The following CCDC97 variants were observed in gnomAD, a reference collection of about 807,000 sequenced individuals.
CCDC97 encodes coiled-coil domain containing 97, also known as coiled-coil domain-containing protein 97.
Under a neutral mutation model 33.9 loss-of-function variants are expected in CCDC97, and 27 were observed. That is an observed-to-expected ratio of 0.80 (90% CI 0.59 to 1.10). CCDC97 has a LOEUF of 1.10. CCDC97 is among the 50% of genes least tolerant of loss of function. The pLI, the probability that CCDC97 is intolerant of heterozygous loss-of-function variation, is 0.00. For synonymous variants in CCDC97, 217 were observed against 194.0 expected (o/e 1.12, Z -0.99); for missense variants, 422 against 476.6 (o/e 0.89, Z 1.07).
At chr19:41,318,452 C>T (rs1251567960) in intron 2 of CCDC97, among the ~76,000 whole-genome samples, 1 of 152,122 alleles carries the variant, frequency 6.6e-6, no homozygotes, top group African/African-American at 2.4e-5. Flanking sequence ...AGCGAGACTC[C>T]ATCTCAAAAA....
rs142783394 is a variant in CCDC97 at position 41,316,671 on chromosome 19, C to T, written c.334C>T (p.Arg112Cys). The T allele has an allele frequency of 2.8e-5, 45 of 1,614,126 alleles. No individual in the cohort carries two copies. Among genetic ancestry groups the T allele is most frequent in the Non-Finnish European group, 3.1e-5 (37 of 1,180,018 alleles). Reference sequence around the variant, plus strand: ...GCCACTGGTGTTCCTGGAGCGCTTCCGCACAGGCCTCCGTGAGGAGCATCT... The same window carrying T: ...GCCACTGGTGTTCCTGGAGCGCTTCTGCACAGGCCTCCGTGAGGAGCATCT... ...EKPLVFLERF[R>C]TGLREEHLAC... is the part of the protein sequence containing the mutation. Residue 112 changes from arginine (R) to cysteine (C), a missense_variant, in exon 2 of 5, where the codon CGC becomes TGC. Physicochemically the swap from Arg to Cys is radical, Grantham distance 180. Coordinates refer to ENST00000269967, the MANE Select transcript of CCDC97 (RefSeq NM_052848.3).
Position 41,322,645 on chromosome 19 carries a change from ATGAGGAGGAGAGGTACTT to A in CCDC97, c.966_983del (p.Glu322_Phe327del), listed in dbSNP as rs1232610417. 1.2e-6 allele frequency: 2 copies of A among 1,613,252 alleles called. No individual in the cohort carries two copies. Among genetic ancestry groups the A allele is most frequent in the African/African-American group, 2.7e-5 (2 of 74,708 alleles). On this transcript the variant is annotated inframe_deletion, in exon 5 of 5. Transcript: ENST00000269967. ...GACAACCTCGACATCGTGGCACGGG[ATGAGGAGGAGAGGTACTT>A]TGATGAGGAAGAACCTGAGGATGCG...
intron 2 of CCDC97, among the ~76,000 whole-genome samples, chr19:41,318,293 A>T (rs947239373): frequency 1.3e-5 from 2 of 152,116 alleles, no homozygotes. Flanking sequence ...TACTAAAAAT[A>T]CAAAAAAAAT....
At chr19:41,319,505 C>T (rs1215453189) in intron 2 of CCDC97, 69 bp from the exon 3 acceptor site, 2 of 1,124,040 alleles carry the variant, frequency 1.8e-6, no homozygotes, top group African/African-American at 3.1e-5. Context: ...CATGATCACA[C>T]ACATACCCAC....
Position 41,316,777 on chromosome 19 carries a change from C to T in CCDC97, c.440C>T (p.Pro147Leu). The T allele has an allele frequency of 1.2e-6, 2 of 1,609,294 alleles. No homozygotes were observed. The highest frequency in any genetic ancestry group is 1.7e-4 in the Middle Eastern group (1 of 6,054). The change falls in exon 2 of 5, where the codon CCC becomes CTC. Residue 147 changes from proline to leucine, a missense_variant. Transcript: ENST00000269967. ...GTGGCCCGGCAGGGCACTGCCCGGCCCCGCACCCTGCGTACCCGCCTGCGT... is the reference window on the plus strand; with the variant it reads ...GTGGCCCGGCAGGGCACTGCCCGGCTCCGCACCCTGCGTACCCGCCTGCGT... The part of the protein sequence containing the change: ...AEVARQGTAR[P>L]RTLRTRLRNR...
chr19:41,320,236 C>T lies in CCDC97; in HGVS notation c.782-105C>T, dbSNP rs2123062882. Reference sequence around the variant, plus strand: ...TGTCACTAGTGTGTTCCCAGAGCCACCCAGCGCAAGGCTGGGCACAGGAGC... The same window carrying T: ...TGTCACTAGTGTGTTCCCAGAGCCATCCAGCGCAAGGCTGGGCACAGGAGC... On this transcript the variant is annotated intron_variant, in intron 3 of 4. Coordinates refer to ENST00000269967, the MANE Select transcript of CCDC97 (RefSeq NM_052848.3). 1.7e-5 allele frequency: 26 copies of T among 1,493,214 alleles called. No individual in the cohort carries two copies. The South Asian group carries it at 2.9e-4, about 17-fold the overall frequency. The allele number at this position is 1,493,214 out of a possible 1,614,324, so 92.5% of individuals were successfully genotyped here.
chr19:41,316,619 C>T lies in CCDC97; in HGVS notation c.282C>T (p.Ala94=). ...EPDLTEHEKV[A]ILAQLYHEKP... ...ACTTGACAGAGCATGAGAAAGTGGC[C>T]ATCCTGGCCCAGCTGTACCACGAGA... Residue 94 remains alanine, a synonymous_variant, in exon 2 of 5, where the codon GCC becomes GCT. Transcript: ENST00000269967. 6.2e-7 allele frequency: 1 copy of T among 1,614,214 alleles called. No homozygotes were observed. The highest frequency in any genetic ancestry group is 1.1e-5 in the South Asian group (1 of 91,076).
intron 1 of CCDC97, among the ~76,000 whole-genome samples, chr19:41,315,168 C>G (rs2037730276): frequency 6.6e-6 from 1 of 151,448 alleles, no homozygotes; most frequent in East Asian, 1.9e-4. Flanking sequence ...GGCATGGTGG[C>G]AGGTACCTGT....
In CCDC97 at chr19:41,322,528, G is replaced by A. The variant is rs566856526; in HGVS notation, c.912-67G>A. The A allele has an allele frequency of 1.6e-4, 255 of 1,564,500 alleles. 1 individual carries two copies. The highest frequency in any genetic ancestry group is 2.1e-4 in the Non-Finnish European group (247 of 1,151,242). On this transcript the variant is annotated intron_variant, in intron 4 of 4. Transcript: ENST00000269967. ...TGGCCTTTGACATCAGGGTGCCCCA[G>A]GCCTTTGACCTGGGCATCCGAGGGT...
intron 3 of CCDC97, among the ~76,000 whole-genome samples, chr19:41,320,133 C>T (rs1250479790): frequency 6.6e-6 from 1 of 152,142 alleles, no homozygotes; most frequent in East Asian, 1.9e-4. Context: ...GATCCTGACC[C>T]GAGGATACAG....
At chr19:41,316,155 C>T (rs377229271) in intron 1 of CCDC97, among the ~76,000 whole-genome samples, 5 of 152,254 alleles carry the variant, frequency 3.3e-5, no homozygotes, top group East Asian at 1.9e-4. Context: ...TTTATTTTTC[C>T]GCATAACTCC....
rs2037764146 is a variant in CCDC97 at position 41,317,599 on chromosome 19, C to T, written c.502+760C>T. 2.0e-5 allele frequency among the ~76,000 whole-genome samples: 3 copies of T among 151,444 alleles called. No homozygotes were observed. The South Asian group carries it at 6.3e-4, about 32-fold the overall frequency. On this transcript the variant is annotated intron_variant, in intron 2 of 4. Transcript: ENST00000269967. ...TTAGCTGGGTGTGGTGGCGCCCTAG[C>T]TACTCAGAAGGCTGAGGTGGGAGAA...
chr19:41,319,472 G>C, intron 2 of CCDC97, 102 bp from the exon 3 acceptor site: 2 of 863,404 alleles, frequency 2.3e-6, no homozygotes, highest in Admixed American at 4.5e-5. Flanking sequence ...CACTTGGACT[G>C]TGTATGCACA....
chr19:41,316,398 G>A lies in CCDC97; in HGVS notation c.61G>A (p.Gly21Arg), dbSNP rs2037746080. The A allele has an allele frequency of 6.2e-7, 1 of 1,612,198 alleles. No homozygotes were observed. Among genetic ancestry groups the A allele is most frequent in the Non-Finnish European group, 8.5e-7 (1 of 1,178,440 alleles). ...KEPDKGCIEPGPGHWGELSRT... is the reference protein window; with the variant it reads ...KEPDKGCIEPRPGHWGELSRT... Reference sequence around the variant, plus strand: ...CCTTTCCTCAGGCTGCATAGAGCCTGGACCTGGGCACTGGGGTGAGCTGAG... The same window carrying A: ...CCTTTCCTCAGGCTGCATAGAGCCTAGACCTGGGCACTGGGGTGAGCTGAG... Residue 21 changes from glycine to arginine, a missense_variant, in exon 2 of 5, where the codon GGA (glycine) becomes AGA (arginine). Gly to Arg is a moderately radical substitution (Grantham distance 125). Transcript: ENST00000269967.
intron 4 of CCDC97, 25 bp downstream of exon 4, chr19:41,320,495 A>G: frequency 6.2e-7 from 1 of 1,613,290 alleles, no homozygotes; most frequent in Non-Finnish European, 8.5e-7. Flanking sequence ...CCACCTCCCC[A>G]TCCCCCAGCC....
Position 41,323,992 on chromosome 19 carries a change from C to T in CCDC97, c.*1277C>T, listed in dbSNP as rs1448546868. 1 of 152,474 alleles carries T rather than the reference C, an allele frequency of 6.6e-6. No homozygotes were observed. Among genetic ancestry groups the T allele is most frequent in the Non-Finnish European group, 1.5e-5 (1 of 68,174 alleles). The allele number at this position is 152,474 out of a possible 1,614,324, so 9.4% of individuals were successfully genotyped here. On this transcript the variant is annotated 3_prime_UTR_variant, in exon 5 of 5. Transcript: ENST00000269967. Reference sequence around the variant, plus strand: ...TCACCAAGTCGGGGCCTAGGGACTCCTCATGCCTCTGAGATGGAATGGTGG... The same window carrying T: ...TCACCAAGTCGGGGCCTAGGGACTCTTCATGCCTCTGAGATGGAATGGTGG...
chr19:41,322,751 A>C lies in CCDC97; in HGVS notation c.*36A>C. 1.2e-6 allele frequency: 2 copies of C among 1,604,604 alleles called. No homozygotes were observed. Among genetic ancestry groups the C allele is most frequent in the Admixed American group, 1.7e-5 (1 of 59,222 alleles). On this transcript the variant is annotated 3_prime_UTR_variant, in exon 5 of 5. Transcript: ENST00000269967. ...CCTTCCCACCGCCTGCCCCATCCCC[A>C]TCCCCAACAAGGCAGCTGATTCCAG... is the stretch of plus-strand genomic sequence containing the variant.
intron 1 of CCDC97, among the ~76,000 whole-genome samples, chr19:41,313,132 C>T (rs2037706320): frequency 6.6e-6 from 1 of 152,074 alleles, no homozygotes; most frequent in African/African-American, 2.4e-5. Flanking sequence ...ATCTTTTGCA[C>T]AGCCAGTTTT....
At chr19:41,310,719 C>T (rs1269456372) in intron 1 of CCDC97, 5 of 1,107,098 alleles carry the variant, frequency 4.5e-6, no homozygotes, top group East Asian at 5.6e-5. Context: ...CTGTACCAAG[C>T]TGAGCCTTCC....
Sources: allele counts gnomAD v4.1 joint callset (sites outside exome capture counted in the v4.1 genomes callset), GRCh38; gene constraint gnomAD v4.1.1; transcripts MANE v1.5; gene names NCBI Gene and HGNC (gene_info 2026-07-23, HGNC 2026-07-21).